Variants in CCSER1 observed in about 807,000 individuals in gnomAD.
CCSER1 encodes coiled-coil serine rich protein 1.
In CCSER1, 41 loss-of-function variants were observed where a neutral mutation model predicts 82.0. The observed-to-expected ratio is 0.50, with a 90% confidence interval of 0.39 to 0.65. The LOEUF (loss-of-function observed/expected upper bound fraction) is 0.65, where lower values mean the gene tolerates loss of function less well. Among genes scored for constraint, CCSER1 ranks in the 30% least tolerant of loss-of-function variants. The pLI, the probability that CCSER1 is intolerant of heterozygous loss-of-function variation, is 0.00. For missense variants in CCSER1, 1,119 were observed against 1,064.2 expected (o/e 1.05, Z -0.72); for synonymous variants, 414 against 383.9 (o/e 1.08, Z -0.92).
intron 7 of CCSER1, chr4:90,781,489 G>C: frequency 1.0e-6 from 1 of 985,200 alleles, no homozygotes; most frequent in Non-Finnish European, 1.2e-6. Context: ...ATGGAACTGA[G>C]TGTGTAATCT....
At chr4:91,282,821 T>G (rs918359513) in intron 10 of CCSER1, among the ~76,000 whole-genome samples, 3 of 152,120 alleles carry the variant, frequency 2.0e-5, no homozygotes, top group African/African-American at 7.2e-5. Flanking sequence ...TATTTAGCTA[T>G]CCTTAAAAAC....
At chr4:90,944,565 G>A (rs1357612166) in intron 9 of CCSER1, among the ~76,000 whole-genome samples, 2 of 152,052 alleles carry the variant, frequency 1.3e-5, no homozygotes, top group East Asian at 3.9e-4. Flanking sequence ...GAAGTTTTTT[G>A]GAATTACCTC....
chr4:90,430,653 C>T (rs1336363510), intron 4 of CCSER1, among the ~76,000 whole-genome samples: 1 of 151,644 alleles, frequency 6.6e-6, no homozygotes, highest in Admixed American at 6.6e-5. Context: ...CTGTGAAAAC[C>T]ATACAGCAAA....
rs185440190 is a variant in CCSER1 at position 90,295,442 on chromosome 4, T to C, written c.-41-12802T>C. ...ATGTTGATTAGTGATTTATATTTCC[T>C]TTTCTATAAATTTCCTGTTACTATT... On this transcript the variant is annotated intron_variant, in intron 1 of 10. Coordinates refer to ENST00000509176, the MANE Select transcript of CCSER1 (RefSeq NM_001145065.2). 1.8e-3 allele frequency among the ~76,000 whole-genome samples: 272 copies of C among 152,166 alleles called. 2 individuals carry two copies. In the Middle Eastern group the frequency reaches 0.024, roughly 13 times the overall value.
intron 5 of CCSER1, among the ~76,000 whole-genome samples, chr4:90,539,088 TA>T (rs1161891096): frequency 1.3e-5 from 2 of 152,080 alleles, no homozygotes; most frequent in Non-Finnish European, 2.9e-5. Context: ...CATATCTAAA[TA>T]ATTTCAGAAA....
At chr4:91,319,680 C>CA (rs1746064649) in intron 10 of CCSER1, 1 of 455,684 alleles carries the variant, frequency 2.2e-6, no homozygotes, top group Admixed American at 2.4e-5. Context: ...CTCCCTTCTC[C>CA]ACTTAGTCTT....
At chr4:91,464,325 G>A (rs955041762) in intron 10 of CCSER1, among the ~76,000 whole-genome samples, 5 of 152,214 alleles carry the variant, frequency 3.3e-5, no homozygotes, top group African/African-American at 1.2e-4. Context: ...TCACCAAAAG[G>A]CCTGCCCTAC....
intron 10 of CCSER1, among the ~76,000 whole-genome samples, chr4:91,254,185 G>A (rs373897198): frequency 3.3e-5 from 5 of 152,130 alleles, no homozygotes; most frequent in African/African-American, 1.2e-4. Context: ...GGAAATGTTA[G>A]AATCAACACA....
chr4:91,021,287 T>C (rs189064988), intron 9 of CCSER1, among the ~76,000 whole-genome samples: 4 of 152,054 alleles, frequency 2.6e-5, no homozygotes, highest in African/African-American at 9.7e-5. Flanking sequence ...AATGATACTT[T>C]CCATGAGATA....
chr4:90,941,969 G>A (rs1731647683), intron 9 of CCSER1, among the ~76,000 whole-genome samples: 1 of 150,880 alleles, frequency 6.6e-6, no homozygotes, highest in African/African-American at 2.5e-5. Context: ...TTTTTTTTGA[G>A]ACAAGTTCTG....
chr4:90,970,142 A>G (rs1156704239), intron 9 of CCSER1, among the ~76,000 whole-genome samples: 1 of 151,780 alleles, frequency 6.6e-6, no homozygotes, highest in African/African-American at 2.4e-5. Flanking sequence ...TAAGCTTTCC[A>G]GTAAAAATAG....
At chr4:91,467,370 C>A (rs1171366239) in intron 10 of CCSER1, among the ~76,000 whole-genome samples, 2 of 152,054 alleles carry the variant, frequency 1.3e-5, no homozygotes, top group Non-Finnish European at 1.5e-5. Context: ...TTAAAGACTT[C>A]AATGTTAGAC....
intron 9 of CCSER1, among the ~76,000 whole-genome samples, chr4:91,019,112 A>G (rs1029036320): frequency 2.6e-5 from 4 of 151,602 alleles, no homozygotes; most frequent in African/African-American, 9.7e-5. Flanking sequence ...GATAATAGAT[A>G]TTTTTATTTT....
Position 90,152,868 on chromosome 4 carries a change from G to GT in CCSER1, c.-42+25050dup, listed in dbSNP as rs1269453879. On this transcript the variant is annotated intron_variant, in intron 1 of 10. Coordinates refer to ENST00000509176, the MANE Select transcript of CCSER1 (RefSeq NM_001145065.2). Reference sequence around the variant, plus strand: ...TAAGATTTGTATTTGTCAGTGCTAGGTTTTTTTTTTTTTAATTTTATTTTT... The same window carrying GT: ...TAAGATTTGTATTTGTCAGTGCTAGGTTTTTTTTTTTTTTAATTTTATTTTT... 2.8e-3 allele frequency among the ~76,000 whole-genome samples: 408 copies of GT among 143,696 alleles called. 1 individual carries two copies. Among genetic ancestry groups the GT allele is most frequent in the East Asian group, 0.017 (82 of 4,934 alleles). 94.3% of individuals were successfully genotyped at this position (143,696 alleles called of 152,430 possible).
chr4:91,122,002 T>C (rs899767172), intron 10 of CCSER1, among the ~76,000 whole-genome samples: 1 of 151,732 alleles, frequency 6.6e-6, no homozygotes, highest in Non-Finnish European at 1.5e-5. Flanking sequence ...TATTTCAGAA[T>C]GAATGAAGAA....
chr4:90,477,717 T>C (rs1025364728), intron 5 of CCSER1, among the ~76,000 whole-genome samples: 3 of 152,138 alleles, frequency 2.0e-5, no homozygotes, highest in Non-Finnish European at 2.9e-5. Context: ...TTACTTAGAA[T>C]AGCAATAACT....
chr4:91,044,478 T>G (rs1742268190), intron 9 of CCSER1, among the ~76,000 whole-genome samples: 1 of 152,154 alleles, frequency 6.6e-6, no homozygotes, highest in South Asian at 2.1e-4. Context: ...TTAACTATGA[T>G]TTATCTTGAC....
chr4:90,901,542 G>A (rs1724654509), intron 8 of CCSER1, among the ~76,000 whole-genome samples: 1 of 152,004 alleles, frequency 6.6e-6, no homozygotes, highest in African/African-American at 2.4e-5. Context: ...TGATTATGAA[G>A]CTTCATTTTG....
At chr4:91,167,916 G>A (rs532643908) in intron 10 of CCSER1, among the ~76,000 whole-genome samples, 43 of 132,250 alleles carry the variant, frequency 3.3e-4, no homozygotes, top group Admixed American at 9.9e-4. Flanking sequence ...CCGCCACCCC[G>A]TCTGGGAAGT....
Sources: allele counts gnomAD v4.1 joint callset (sites outside exome capture counted in the v4.1 genomes callset), GRCh38; gene constraint gnomAD v4.1.1; transcripts MANE v1.5; gene names NCBI Gene and HGNC (gene_info 2026-07-23, HGNC 2026-07-21).